The following CELSR1 variants were observed in gnomAD, a reference collection of about 807,000 sequenced individuals.
The protein encoded by CELSR1 is cadherin EGF LAG seven-pass G-type receptor 1.
In CELSR1, 110 loss-of-function variants were observed where a neutral mutation model predicts 249.1. That is an observed-to-expected ratio of 0.44 (90% CI 0.38 to 0.52). The LOEUF is 0.52. Among genes scored for constraint, CELSR1 ranks in the 20% least tolerant of loss-of-function variants. The pLI is 0.00. For synonymous variants in CELSR1, 2,113 were observed against 1,900.0 expected (o/e 1.11, Z -2.92); for missense variants, 4,109 against 4,296.4 (o/e 0.96, Z 1.22).
Position 46,394,177 on chromosome 22 carries a change from C to G in CELSR1, c.5929G>C (p.Asp1977His), listed in dbSNP as rs750618479. Residue 1977 changes from aspartate (D) to histidine (H), a missense_variant, in exon 14 of 35, where the codon GAC becomes CAC. This residue lies in a region of CELSR1 where 1,805 missense variants were observed against 1,831.6 expected (regional missense o/e 0.99). Coordinates refer to ENST00000674500, the MANE Select transcript of CELSR1 (RefSeq NM_001378328.1). ...HCAVSKGFDPDCNKTNGQCQC... is the reference protein window; with the variant it reads ...HCAVSKGFDPHCNKTNGQCQC... ...CACTGGCCGTTGGTCTTATTACAGT[C>G]GGGATCAAAGCCTTTGCTGACGGCA... 3 of 1,614,050 alleles carry G rather than the reference C, an allele frequency of 1.9e-6. No homozygotes were observed. Among genetic ancestry groups the G allele is most frequent in the Non-Finnish European group, 2.5e-6 (3 of 1,179,954 alleles).
intron 1 of CELSR1, among the ~76,000 whole-genome samples, chr22:46,498,213 C>G (rs2080431477): frequency 8.0e-6 from 1 of 125,342 alleles, no homozygotes; most frequent in Non-Finnish European, 1.6e-5. Context: ...CGTGCCACTG[C>G]ACTCCAGCCT....
rs1343270486 is a variant in CELSR1 at position 46,484,359 on chromosome 22, GC to G, written c.3545-20015del. 1.3e-5 allele frequency among the ~76,000 whole-genome samples: 2 copies of G among 152,276 alleles called. No homozygotes were observed. The highest frequency in any genetic ancestry group is 1.9e-4 in the East Asian group (1 of 5,158). On this transcript the variant is annotated intron_variant, in intron 1 of 34. Coordinates refer to ENST00000674500, the MANE Select transcript of CELSR1 (RefSeq NM_001378328.1). The surrounding 1 kb of genome is among the most constrained non-coding windows in gnomAD (Gnocchi z 4.5). ...CATGGTGGCAGCTGCCTCGGGCCCA[GC>G]CCTCCTCAGAAATGCAGGCTGCAGC... is the stretch of plus-strand genomic sequence containing the variant.
In CELSR1 at chr22:46,398,481, G is replaced by A; in HGVS notation, c.5526+43C>T. 6.9e-7 allele frequency: 1 copy of A among 1,442,424 alleles called. No homozygotes were observed. The highest frequency in any genetic ancestry group is 9.5e-7 in the Non-Finnish European group (1 of 1,047,540). 89.4% of individuals were successfully genotyped at this position (1,442,424 alleles called of 1,614,324 possible). ...GGTGCTGCCAGCCTCGGAGCTGCCT[G>A]TGAGGGGCAGGCCTCCCCCCGCCCC... On this transcript the variant is annotated intron_variant, in intron 11 of 34. Coordinates refer to ENST00000674500, the MANE Select transcript of CELSR1 (RefSeq NM_001378328.1). The surrounding 1 kb of genome is among the most constrained non-coding windows in gnomAD (Gnocchi z 7.2).
chr22:46,503,297 C>T (rs527767291), intron 1 of CELSR1, among the ~76,000 whole-genome samples: 5 of 152,336 alleles, frequency 3.3e-5, no homozygotes, highest in East Asian at 1.9e-4. Context: ...CTGCTTCCAG[C>T]GACCCTTTCA....
Position 46,391,547 on chromosome 22 carries a change from C to A in CELSR1, c.6148+86G>T. On this transcript the variant is annotated intron_variant, in intron 15 of 34. Transcript: ENST00000674500. The surrounding 1 kb of genome is among the most constrained non-coding windows in gnomAD (Gnocchi z 4.3). ...GAGGGAGCCCAGGGTCCCCCAAACA[C>A]CCAGCGTGCATGCACACACGTGCAC... is the stretch of plus-strand genomic sequence containing the variant. The A allele has an allele frequency of 7.1e-7, 1 of 1,414,352 alleles. No homozygotes were observed. Among genetic ancestry groups the A allele is most frequent in the Non-Finnish European group, 9.3e-7 (1 of 1,071,596 alleles). 87.6% of individuals were successfully genotyped at this position (1,414,352 alleles called of 1,614,324 possible).
Position 46,429,534 on chromosome 22 carries a change from A to G in CELSR1, c.4611+3859T>C, listed in dbSNP as rs1021905439. 1.3e-5 allele frequency among the ~76,000 whole-genome samples: 2 copies of G among 152,242 alleles called. No homozygotes were observed. The highest frequency in any genetic ancestry group is 1.3e-4 in the Admixed American group (2 of 15,292). ...CGTCCTGGAAAAACGTCCGACTCCA[A>G]TGTACCCTTTGGTTTTGCTGAAGGT... On this transcript the variant is annotated intron_variant, in intron 5 of 34. Coordinates refer to ENST00000674500, the MANE Select transcript of CELSR1 (RefSeq NM_001378328.1). This position sits in a 1 kb window ranked among gnomAD's most constrained non-coding sequence, Gnocchi z 4.1.
chr22:46,416,472 T>C (rs1253789503), intron 5 of CELSR1, among the ~76,000 whole-genome samples: 2 of 151,940 alleles, frequency 1.3e-5, no homozygotes, highest in Admixed American at 6.5e-5. Flanking sequence ...ACCTGGTCAC[T>C]CAGGCCGAGC....
chr22:46,368,046 CCAGA>C (rs1361666836), intron 27 of CELSR1, among the ~76,000 whole-genome samples, 191 bp from the exon 28 acceptor site: 1 of 152,168 alleles, frequency 6.6e-6, no homozygotes, highest in East Asian at 1.9e-4. Flanking sequence ...CATCCGGGAA[CCAGA>C]CAGAGCTCGT....
At chr22:46,420,998 G>A (rs2079465212) in intron 5 of CELSR1, among the ~76,000 whole-genome samples, 1 of 152,112 alleles carries the variant, frequency 6.6e-6, no homozygotes, top group Non-Finnish European at 1.5e-5. Flanking sequence ...ACACGGGTGG[G>A]TGAGAGATGC....
In CELSR1 at chr22:46,390,537, A is replaced by G; in HGVS notation, c.6251-51T>C. ...AGCCTGAAACTCAAACTGTTGATCA[A>G]TGCTTGTGTATTTCAATCCACAATC... On this transcript the variant is annotated intron_variant, in intron 16 of 34. Coordinates refer to ENST00000674500, the MANE Select transcript of CELSR1 (RefSeq NM_001378328.1). The surrounding 1 kb of genome is among the most constrained non-coding windows in gnomAD (Gnocchi z 6.3). The G allele has an allele frequency of 7.2e-7, 1 of 1,392,736 alleles. No homozygotes were observed. The highest frequency in any genetic ancestry group is 1.2e-5 in the South Asian group (1 of 83,550). 86.3% of individuals were successfully genotyped at this position (1,392,736 alleles called of 1,614,324 possible).
At chr22:46,392,403 G>C (rs571452307) in intron 14 of CELSR1, among the ~76,000 whole-genome samples, 6 of 151,766 alleles carry the variant, frequency 4.0e-5, no homozygotes, top group Admixed American at 6.6e-5. Context: ...CGTGAGCAAC[G>C]TTCAGACCTG....
Position 46,454,359 on chromosome 22 carries a change from G to T in CELSR1, c.4183+9348C>A, listed in dbSNP as rs1290333309. On this transcript the variant is annotated intron_variant, in intron 2 of 34. Transcript: ENST00000674500. This position sits in a 1 kb window ranked among gnomAD's most constrained non-coding sequence, Gnocchi z 5.1. ...GGCCACAGGAGACTCGTGCAGGGGT[G>T]AGCGAGCGTGCCCAGCCCTGCTGTC... 6.6e-6 allele frequency among the ~76,000 whole-genome samples: 1 copy of T among 152,202 alleles called. No homozygotes were observed. Among genetic ancestry groups the T allele is most frequent in the Non-Finnish European group, 1.5e-5 (1 of 68,034 alleles).
chr22:46,479,441 C>T (rs531603557), intron 1 of CELSR1, among the ~76,000 whole-genome samples: 2 of 152,216 alleles, frequency 1.3e-5, no homozygotes, highest in African/African-American at 4.8e-5. Context: ...GAGCCTCAAG[C>T]AGATGCCTCG....
rs565063848 is a variant in CELSR1, at chr22:46,380,131, C to T, written c.7256+657G>A. Among the ~76,000 whole-genome samples, 2 of 152,368 alleles carry T rather than the reference C, an allele frequency of 1.3e-5. No homozygotes were observed. The highest frequency in any genetic ancestry group is 6.5e-5 in the Admixed American group (1 of 15,306). On this transcript the variant is annotated intron_variant, in intron 22 of 34. Transcript: ENST00000674500. This position sits in a 1 kb window ranked among gnomAD's most constrained non-coding sequence, Gnocchi z 5.1. Reference sequence around the variant, plus strand: ...CACTGTGGTGCTGAATCCAGTCTCACGTGTGGGTGAGAATCACTCATTTTG... The same window carrying T: ...CACTGTGGTGCTGAATCCAGTCTCATGTGTGGGTGAGAATCACTCATTTTG...
intron 1 of CELSR1, among the ~76,000 whole-genome samples, chr22:46,525,053 G>A (rs1050043120): frequency 5.9e-5 from 9 of 152,180 alleles, no homozygotes; most frequent in Admixed American, 2.6e-4. Flanking sequence ...CAAGAGGAGC[G>A]GCCACTACTG....
chr22:46,461,127 C>T (rs1018366363), intron 2 of CELSR1, among the ~76,000 whole-genome samples: 7 of 152,048 alleles, frequency 4.6e-5, no homozygotes, highest in East Asian at 3.9e-4. Flanking sequence ...ATTACCTCCA[C>T]GCAGAAAAAG....
At chr22:46,470,492 G>C (rs1303221045) in intron 1 of CELSR1, among the ~76,000 whole-genome samples, 1 of 151,964 alleles carries the variant, frequency 6.6e-6, no homozygotes, top group Admixed American at 6.6e-5. Flanking sequence ...TCTTCACTCA[G>C]GGATAAAACG....
rs1360117012 is a variant in CELSR1, at chr22:46,533,712, C to A, written c.3459G>T (p.Leu1153=). Residue 1153 remains leucine (L), a synonymous_variant, in exon 1 of 35, where the codon CTG becomes CTT. Coordinates refer to ENST00000674500, the MANE Select transcript of CELSR1 (RefSeq NM_001378328.1). The part of the protein sequence containing the change: ...VQGNELRLLL[L]DPATGELQLS... Reference sequence around the variant, plus strand: ...GCTGCAGTTCGCCCGTGGCGGGGTCCAGCAGCAACAGGCGCAGCTCGTTGC... The same window carrying A: ...GCTGCAGTTCGCCCGTGGCGGGGTCAAGCAGCAACAGGCGCAGCTCGTTGC... The A allele has an allele frequency of 6.2e-7, 1 of 1,612,658 alleles. No homozygotes were observed. The highest frequency in any genetic ancestry group is 8.5e-7 in the Non-Finnish European group (1 of 1,179,916).
intron 5 of CELSR1, among the ~76,000 whole-genome samples, chr22:46,416,974 G>T (rs2079410244): frequency 6.7e-6 from 1 of 150,070 alleles, no homozygotes; most frequent in African/African-American, 2.5e-5. Flanking sequence ...GGAAGGCGGT[G>T]TGGGGGGGTG....
Sources: allele counts gnomAD v4.1 joint callset (sites outside exome capture counted in the v4.1 genomes callset), GRCh38; gene constraint gnomAD v4.1.1; regional missense constraint gnomAD v4.1.1; non-coding constraint Gnocchi (gnomAD v3.1); transcripts MANE v1.5; gene names NCBI Gene and HGNC (gene_info 2026-07-23, HGNC 2026-07-21).